The following HSD17B4 variants were observed in gnomAD, a reference collection of about 807,000 sequenced individuals.
HSD17B4 encodes peroxisomal multifunctional enzyme type 2.
In HSD17B4, 70 loss-of-function variants were observed where a neutral mutation model predicts 101.0. The ratio of observed to expected loss-of-function variants is 0.69; its 90% CI spans 0.57 to 0.85. The LOEUF (loss-of-function observed/expected upper bound fraction) is 0.85, where lower values mean the gene tolerates loss of function less well. Among genes scored for constraint, HSD17B4 ranks in the 40% least tolerant of loss-of-function variants. The pLI is 0.00. For synonymous variants in HSD17B4, 347 were observed against 297.1 expected, an observed-to-expected ratio of 1.17 and a Z score of -1.73; for missense variants, 984 against 892.4, an observed-to-expected ratio of 1.10 and a Z score of -1.31.
intron 2 of HSD17B4, among the ~76,000 whole-genome samples, chr5:119,470,566 C>G (rs1300868642): frequency 6.6e-6 from 1 of 152,178 alleles, no homozygotes; most frequent in African/African-American, 2.4e-5. Flanking sequence ...TGGGTGTCCC[C>G]CACTTAACCT....
intron 13 of HSD17B4, among the ~76,000 whole-genome samples, chr5:119,500,379 A>G (rs1751049037): frequency 6.6e-6 from 1 of 152,094 alleles, no homozygotes; most frequent in Non-Finnish European, 1.5e-5. Flanking sequence ...TACATTACAC[A>G]TATCTATATG....
At chr5:119,505,383 A>T (rs1751552448) in intron 14 of HSD17B4, among the ~76,000 whole-genome samples, 2 of 152,096 alleles carry the variant, frequency 1.3e-5, no homozygotes, top group African/African-American at 4.8e-5. Context: ...ATGAGTATGG[A>T]ATGTTTTTTC....
rs1751693832 is a variant in HSD17B4 at position 119,506,823 on chromosome 5, T to A, written c.1267T>A (p.Leu423Ile). 1 of 1,564,112 alleles carries A rather than the reference T, an allele frequency of 6.4e-7. No individual in the cohort carries two copies. Among genetic ancestry groups the A allele is most frequent in the Non-Finnish European group, 8.8e-7 (1 of 1,135,776 alleles). Residue 423 changes from leucine to isoleucine, a missense_variant, in exon 15 of 24, where the codon TTA (leucine) becomes ATA (isoleucine). Leu to Ile is a conservative substitution (Grantham distance 5, BLOSUM62 2). Coordinates refer to ENST00000510025, the MANE Select transcript of HSD17B4 (RefSeq NM_000414.4). ...TCTTTTACTTTTCTTTCTAGGAAAA[T>A]TAAAATGTGAAGCAGTTGTTGCTGA... ...LYKPLPRAGKLKCEAVVADVL... is the reference protein window; with the variant it reads ...LYKPLPRAGKIKCEAVVADVL...
At chr5:119,520,954 G>A (rs927285103) in intron 17 of HSD17B4, among the ~76,000 whole-genome samples, 2 of 152,072 alleles carry the variant, frequency 1.3e-5, no homozygotes, top group Non-Finnish European at 2.9e-5. Flanking sequence ...ACTGTTTAGA[G>A]CATTTAACAT....
At chr5:119,526,057 C>A in intron 19 of HSD17B4, 34 bp downstream of exon 19, 1 of 1,124,216 alleles carries the variant, frequency 8.9e-7, no homozygotes, top group Non-Finnish European at 1.4e-6. Flanking sequence ...TTGAATATTA[C>A]TTCCTTTTTC....
intron 20 of HSD17B4, among the ~76,000 whole-genome samples, chr5:119,527,707 T>C (rs550488188): frequency 6.6e-6 from 1 of 152,254 alleles, no homozygotes; most frequent in South Asian, 2.1e-4. Context: ...AGGAAAGTTA[T>C]TCTAAAATAA....
In HSD17B4 at chr5:119,530,232, A is replaced by G. The variant is rs1373720738; in HGVS notation, c.1854+252A>G. The G allele has an allele frequency of 9.0e-6, 4 of 444,814 alleles. No homozygotes were observed. The East Asian group carries it at 1.2e-4, about 14-fold the overall frequency. 27.6% of individuals were successfully genotyped at this position (444,814 alleles called of 1,614,324 possible). ...GAACATAATTTTCTAGTTTTAGAAT[A>G]AATAAATCAGTTGTTTAATCAGAAT... On this transcript the variant is annotated intron_variant, in intron 21 of 23. Transcript: ENST00000510025.
chr5:119,516,989 G>A (rs964155041), intron 17 of HSD17B4, among the ~76,000 whole-genome samples: 16 of 152,244 alleles, frequency 1.1e-4, no homozygotes, highest in Admixed American at 2.0e-4. Context: ...CTCTGCCTGG[G>A]CTCCCACTTT....
intron 8 of HSD17B4, among the ~76,000 whole-genome samples, chr5:119,488,264 G>A (rs889348540): frequency 3.9e-5 from 6 of 152,088 alleles, no homozygotes; most frequent in African/African-American, 9.7e-5. Flanking sequence ...TGCTTGCATA[G>A]CAGGTTCAGT....
chr5:119,453,314 A>T (rs558780223), intron 1 of HSD17B4, among the ~76,000 whole-genome samples: 50 of 152,334 alleles, frequency 3.3e-4, no homozygotes, highest in Admixed American at 5.9e-4. Flanking sequence ...ACATCTGAGG[A>T]ACTGGAGAGC....
chr5:119,493,769 C>T lies in HSD17B4; in HGVS notation c.740-49C>T, dbSNP rs752789627. 8 of 1,578,186 alleles carry T rather than the reference C, an allele frequency of 5.1e-6. No homozygotes were observed. In the East Asian group the frequency reaches 1.6e-4, roughly 31 times the overall value. ...AAAGGGTTCTTATGCATCTTACTTTCTGTCTCTCAACTATGTGCTCAGTAT... is the reference window on the plus strand; with the variant it reads ...AAAGGGTTCTTATGCATCTTACTTTTTGTCTCTCAACTATGTGCTCAGTAT... On this transcript the variant is annotated intron_variant, in intron 10 of 23. Transcript: ENST00000510025.
At position 119,473,855 on chromosome 5, in the gene HSD17B4, C is replaced by T. The variant is rs77647258; in HGVS notation, c.113-53C>T. ...TTCATTTTCCACACACACACACACA[C>T]ATTTTGAAAGTCTAGAATAATTAAT... On this transcript the variant is annotated intron_variant, in intron 2 of 23. Transcript: ENST00000510025. 2,716 of 991,090 alleles carry T rather than the reference C, an allele frequency of 2.7e-3. 63 individuals are homozygous for T. In the African/African-American group the frequency reaches 0.039, roughly 14 times the overall value. The allele number at this position is 991,090 out of a possible 1,614,324, so 61.4% of individuals were successfully genotyped here. A position where few individuals can be genotyped will look rare whatever the true frequency, so the allele number is the denominator to read the frequency against.
At chr5:119,455,192 T>A (rs902554230) in intron 1 of HSD17B4, among the ~76,000 whole-genome samples, 2 of 152,208 alleles carry the variant, frequency 1.3e-5, no homozygotes, top group African/African-American at 4.8e-5. Context: ...GTTTCTAATG[T>A]GTTTTTCCCG....
intron 8 of HSD17B4, among the ~76,000 whole-genome samples, chr5:119,488,116 A>G (rs962065295): frequency 2.0e-5 from 3 of 152,152 alleles, no homozygotes; most frequent in African/African-American, 7.2e-5. Context: ...AAATTGTATG[A>G]TTTGTAAGAC....
At chr5:119,452,920 A>T in intron 1 of HSD17B4, 1 of 1,346,434 alleles carries the variant, frequency 7.4e-7, no homozygotes, top group East Asian at 2.5e-5. Flanking sequence ...ACTGGGTGAA[A>T]GTTCTCCCTG....
intron 17 of HSD17B4, among the ~76,000 whole-genome samples, chr5:119,517,588 G>A (rs927955545): frequency 1.3e-5 from 2 of 152,254 alleles, no homozygotes; most frequent in Admixed American, 1.3e-4. Context: ...TGGGGACATG[G>A]AGAACCTTTA....
intron 17 of HSD17B4, among the ~76,000 whole-genome samples, chr5:119,522,553 C>G (rs1009604541): frequency 6.6e-6 from 1 of 152,094 alleles, no homozygotes; most frequent in Non-Finnish European, 1.5e-5. Context: ...ATATTTACCT[C>G]TGTGCGTTTT....
At chr5:119,462,350 GGTACT>G in intron 2 of HSD17B4, among the ~76,000 whole-genome samples, 1 of 139,994 alleles carries the variant, frequency 7.1e-6, no homozygotes, top group Middle Eastern at 3.8e-3. Flanking sequence ...GGAGCAGAGT[GGTACT>G]GTAGTAGGTC....
At chr5:119,495,761 C>G (rs1469876573) in intron 11 of HSD17B4, 1 of 180,798 alleles carries the variant, frequency 5.5e-6, no homozygotes. Context: ...ACCTCTGCCC[C>G]TTGGGTTCAA....
Sources: gnomAD v4.1 joint callset for allele counts (sites outside exome capture counted in the v4.1 genomes callset) on GRCh38, gnomAD v4.1.1 for gene constraint, MANE v1.5 for transcripts, NCBI Gene and HGNC (gene_info 2026-07-23, HGNC 2026-07-21) for gene names.